The following PRKD1 variants were observed in gnomAD, a reference collection of about 807,000 sequenced individuals.
PRKD1 encodes the protein serine/threonine-protein kinase D1.
A neutral mutation model predicts 95.9 loss-of-function variants in PRKD1; 63 were observed. The observed-to-expected ratio is 0.66, with a 90% CI of 0.54 to 0.81. The LOEUF (loss-of-function observed/expected upper bound fraction) is 0.81, where lower values mean the gene tolerates loss of function less well. PRKD1 is among the 30% of genes least tolerant of loss of function. The probability of loss-of-function intolerance (pLI) is 0.00; values close to 1 mark genes in which losing one functional copy is unlikely to be tolerated. For synonymous variants in PRKD1, 425 were observed against 423.1 expected (o/e 1.00, Z -0.05); for missense variants, 1,048 against 1,165.3 (o/e 0.90, Z 1.47).
At chr14:29,716,399 G>A (rs1885611809) in intron 2 of PRKD1, among the ~76,000 whole-genome samples, 2 of 152,108 alleles carry the variant, frequency 1.3e-5, no homozygotes, top group Non-Finnish European at 2.9e-5. Flanking sequence ...TTTTCTGTAG[G>A]TCTTGCCAGC....
intron 16 of PRKD1, among the ~76,000 whole-genome samples, chr14:29,592,096 T>C (rs925148810): frequency 1.3e-5 from 2 of 151,856 alleles, no homozygotes; most frequent in Non-Finnish European, 2.9e-5. Flanking sequence ...AGAATGAATG[T>C]GTTGACCTTT....
intron 1 of PRKD1, among the ~76,000 whole-genome samples, chr14:29,889,605 T>C (rs954808883): frequency 4.6e-5 from 7 of 152,156 alleles, no homozygotes; most frequent in African/African-American, 1.7e-4. Flanking sequence ...TGGATGAAGC[T>C]GGAAACCATC....
In PRKD1 at chr14:29,866,186, C is replaced by CA. The variant is rs757147561; in HGVS notation, c.264+61062dup. Among the ~76,000 whole-genome samples, 607 of 136,444 alleles carry CA rather than the reference C, an allele frequency of 4.4e-3. 6 individuals carry two copies. Among genetic ancestry groups the CA allele is most frequent in the South Asian group, 8.9e-3 (38 of 4,288 alleles). The allele number at this position is 136,444 out of a possible 152,430, so 89.5% of individuals were successfully genotyped here. ...AAGCTATATTGCTGATATTTCAGAC[C>CA]AAAAAAAAAAAAGGTTTAACCTTGA... On this transcript the variant is annotated intron_variant, in intron 1 of 17. Coordinates refer to ENST00000331968, the MANE Select transcript of PRKD1 (RefSeq NM_002742.3).
intron 13 of PRKD1, among the ~76,000 whole-genome samples, chr14:29,605,602 C>T (rs1358913708): frequency 6.6e-6 from 1 of 152,160 alleles, no homozygotes; most frequent in East Asian, 1.9e-4. Context: ...AACACTTATC[C>T]TACCATATTT....
In PRKD1 at chr14:29,849,593, A is replaced by C. The variant is rs545875319; in HGVS notation, c.264+77656T>G. Among the ~76,000 whole-genome samples the C allele has an allele frequency of 4.6e-5, 7 of 151,822 alleles. No individual in the cohort carries two copies. The East Asian group carries it at 5.8e-4, about 13-fold the overall frequency. On this transcript the variant is annotated intron_variant, in intron 1 of 17. Transcript: ENST00000331968. ...CAACAACAACAAAAAAAAAACTACC[A>C]ATCAGAAAACGCCCTAAACAGATGG...
chr14:29,677,572 TTTG>T (rs1461541711), intron 2 of PRKD1, among the ~76,000 whole-genome samples: 4 of 152,186 alleles, frequency 2.6e-5, no homozygotes, highest in African/African-American at 9.7e-5. Context: ...AGTCCTGTTT[TTTG>T]TTGTTGTTTG....
At chr14:29,647,283 C>T (rs1291260105) in intron 4 of PRKD1, among the ~76,000 whole-genome samples, 1 of 152,100 alleles carries the variant, frequency 6.6e-6, no homozygotes, top group Non-Finnish European at 1.5e-5. Flanking sequence ...TATATTGCCT[C>T]ACTATTTTCA....
intron 1 of PRKD1, among the ~76,000 whole-genome samples, chr14:29,764,476 A>T: frequency 6.6e-6 from 1 of 152,128 alleles, no homozygotes; most frequent in East Asian, 1.9e-4. Context: ...GGTAATTTAT[A>T]AGTAATAGAA....
At chr14:29,690,418 C>T (rs775597688) in intron 2 of PRKD1, among the ~76,000 whole-genome samples, 3 of 152,100 alleles carry the variant, frequency 2.0e-5, no homozygotes, top group Non-Finnish European at 4.4e-5. Flanking sequence ...ATTCCTACAC[C>T]CAAAACATGG....
intron 1 of PRKD1, among the ~76,000 whole-genome samples, chr14:29,733,464 C>T (rs181551494): frequency 2.7e-3 from 413 of 152,190 alleles, no homozygotes; most frequent in Admixed American, 8.4e-3. Flanking sequence ...TTAGTCGGTT[C>T]TCATGCTGCT....
At chr14:29,631,955 T>C (rs115083176) in intron 9 of PRKD1, among the ~76,000 whole-genome samples, 2,256 of 152,024 alleles carry the variant, frequency 0.015, 72 homozygotes, top group African/African-American at 0.051. Flanking sequence ...GTGCATCCCA[T>C]CACGACTGGC....
chr14:29,722,524 C>T (rs981512065), intron 2 of PRKD1, among the ~76,000 whole-genome samples: 6 of 152,252 alleles, frequency 3.9e-5, no homozygotes, highest in Middle Eastern at 3.4e-3. Flanking sequence ...TACAACAAAT[C>T]GATATTTTTA....
intron 1 of PRKD1, among the ~76,000 whole-genome samples, chr14:29,899,576 G>A (rs755610388): frequency 6.6e-6 from 1 of 152,172 alleles, no homozygotes; most frequent in Non-Finnish European, 1.5e-5. Context: ...GAACCCAGGA[G>A]GTGGCGGTTG....
chr14:29,612,417 A>C (rs931521078), intron 13 of PRKD1, among the ~76,000 whole-genome samples: 7 of 152,170 alleles, frequency 4.6e-5, no homozygotes, highest in Non-Finnish European at 7.3e-5. Context: ...TCTTTGAAAA[A>C]TATGCTGGGA....
chr14:29,722,202 AT>A (rs45566931), intron 2 of PRKD1, among the ~76,000 whole-genome samples: 2,706 of 152,296 alleles, frequency 0.018, 80 homozygotes, highest in African/African-American at 0.06. Flanking sequence ...GTAAAATTTA[AT>A]TTGTGATAAG....
At chr14:29,737,923 T>C (rs547471624) in intron 1 of PRKD1, among the ~76,000 whole-genome samples, 2 of 152,282 alleles carry the variant, frequency 1.3e-5, no homozygotes, top group Non-Finnish European at 2.9e-5. Flanking sequence ...TATAGAGATT[T>C]AAGTATATCA....
intron 1 of PRKD1, among the ~76,000 whole-genome samples, chr14:29,845,729 C>T (rs373132326): frequency 3.9e-5 from 6 of 152,238 alleles, no homozygotes; most frequent in East Asian, 3.9e-4. Context: ...TCTAAGAATA[C>T]GTTAATGTTC....
chr14:29,782,945 T>G (rs934798433), intron 1 of PRKD1, among the ~76,000 whole-genome samples: 1 of 152,254 alleles, frequency 6.6e-6, no homozygotes, highest in Non-Finnish European at 1.5e-5. Flanking sequence ...CAATTTGTAT[T>G]GATCAAATCA....
intron 1 of PRKD1, among the ~76,000 whole-genome samples, chr14:29,732,718 T>C (rs1241974724): frequency 6.6e-6 from 1 of 152,166 alleles, no homozygotes; most frequent in Non-Finnish European, 1.5e-5. Context: ...GCTATTTTTG[T>C]TGTATATAGA....
Sources: gnomAD v4.1 joint callset for allele counts (sites outside exome capture counted in the v4.1 genomes callset) on GRCh38, gnomAD v4.1.1 for gene constraint, MANE v1.5 for transcripts, NCBI Gene and HGNC (gene_info 2026-07-23, HGNC 2026-07-21) for gene names.